Variants in DOCK1 observed in about 807,000 individuals in gnomAD.
DOCK1 encodes dedicator of cytokinesis protein 1.
Under a neutral mutation model 262.7 loss-of-function variants are expected in DOCK1, and 138 were observed. The observed-to-expected ratio is 0.53, with a 90% CI of 0.46 to 0.61. The LOEUF is 0.61. Among genes scored for constraint, DOCK1 ranks in the 20% least tolerant of loss-of-function variants. The probability of loss-of-function intolerance (pLI) is 0.00; values close to 1 mark genes in which losing one functional copy is unlikely to be tolerated. For synonymous variants in DOCK1, 866 were observed against 867.4 expected (o/e 1.00, Z 0.03); for missense variants, 1,908 against 2,370.7 (o/e 0.80, Z 4.05).
chr10:127,113,350 G>T (rs951973070), intron 25 of DOCK1, among the ~76,000 whole-genome samples: 7 of 152,162 alleles, frequency 4.6e-5, no homozygotes, highest in South Asian at 2.1e-4. Flanking sequence ...AGGCTCCTTC[G>T]TGGGGGCTCC....
chr10:126,975,797 T>C (rs1466214491), intron 2 of DOCK1, among the ~76,000 whole-genome samples: 19 of 151,576 alleles, frequency 1.3e-4, no homozygotes, highest in Non-Finnish European at 1.5e-5. Flanking sequence ...TTTTTTTTTT[T>C]AGTAGAGACG....
intron 29 of DOCK1, among the ~76,000 whole-genome samples, chr10:127,263,019 T>G (rs2060229749): frequency 6.6e-6 from 1 of 152,208 alleles, no homozygotes; most frequent in East Asian, 1.9e-4. Context: ...ACCCTGCCTC[T>G]TGGTCTTAAG....
intron 34 of DOCK1, 85 bp downstream of exon 34, chr10:127,373,951 C>A: frequency 5.2e-6 from 8 of 1,530,176 alleles, no homozygotes; most frequent in East Asian, 2.4e-5. Flanking sequence ...ACTTTGTAAC[C>A]CAGAAATAAT....
chr10:127,044,617 C>T (rs1261745117), intron 21 of DOCK1, among the ~76,000 whole-genome samples: 3 of 152,078 alleles, frequency 2.0e-5, no homozygotes, highest in African/African-American at 4.8e-5. Flanking sequence ...TCCACGTGTG[C>T]TCATTTTCAA....
Position 127,351,202 on chromosome 10 carries a change from G to A in DOCK1, c.3225-3467G>A, listed in dbSNP as rs116958213. 5.2e-3 allele frequency among the ~76,000 whole-genome samples: 797 copies of A among 152,274 alleles called. 8 individuals carry two copies. The highest frequency in any genetic ancestry group is 6.8e-3 in the Middle Eastern group (2 of 294). ...GGATCCCAGATCTCCCTGGACGATA[G>A]GAAGTGTGCCTCCTAAGCGTAGGTT... On this transcript the variant is annotated intron_variant, in intron 31 of 51. Transcript: ENST00000623213.
chr10:127,013,228 A>C (rs2041609206), intron 12 of DOCK1, among the ~76,000 whole-genome samples: 1 of 152,070 alleles, frequency 6.6e-6, no homozygotes, highest in South Asian at 2.1e-4. Flanking sequence ...TTTCTGGCAA[A>C]CAGTAGCAGG....
chr10:127,160,805 C>T (rs929258518), intron 27 of DOCK1, among the ~76,000 whole-genome samples: 2 of 152,168 alleles, frequency 1.3e-5, no homozygotes, highest in Non-Finnish European at 2.9e-5. Context: ...TAAGTTTGAT[C>T]TCTCTTGTTC....
At chr10:127,014,085 G>A (rs2041681591) in intron 12 of DOCK1, among the ~76,000 whole-genome samples, 1 of 152,232 alleles carries the variant, frequency 6.6e-6, no homozygotes, top group Non-Finnish European at 1.5e-5. Context: ...GTCCACATGC[G>A]CCTCCTGTCT....
At chr10:127,309,975 A>G (rs1403974434) in intron 29 of DOCK1, among the ~76,000 whole-genome samples, 1 of 151,566 alleles carries the variant, frequency 6.6e-6, no homozygotes, top group Non-Finnish European at 1.5e-5. Context: ...TCCCAGGTTC[A>G]AGCAATTCTT....
intron 29 of DOCK1, among the ~76,000 whole-genome samples, chr10:127,270,805 A>G (rs2060535288): frequency 6.6e-6 from 1 of 152,158 alleles, no homozygotes; most frequent in South Asian, 2.1e-4. Flanking sequence ...AGCCTCAGTC[A>G]TACTTTGTAA....
At chr10:127,371,027 C>G (rs915839854) in intron 33 of DOCK1, among the ~76,000 whole-genome samples, 2 of 152,230 alleles carry the variant, frequency 1.3e-5, no homozygotes, top group African/African-American at 2.4e-5. Flanking sequence ...AACCTTGTTG[C>G]AAATCACCAG....
intron 1 of DOCK1, among the ~76,000 whole-genome samples, chr10:126,953,526 C>G (rs2036500980): frequency 6.7e-6 from 1 of 149,060 alleles, no homozygotes; most frequent in East Asian, 2.0e-4. Flanking sequence ...GGTGGTAGTA[C>G]TGCTGATGGT....
chr10:126,966,265 T>C, intron 1 of DOCK1, among the ~76,000 whole-genome samples: 1 of 152,346 alleles, frequency 6.6e-6, no homozygotes, highest in South Asian at 2.1e-4. Flanking sequence ...CCTTCATTTG[T>C]TGTTGGACGC....
intron 48 of DOCK1, among the ~76,000 whole-genome samples, chr10:127,435,700 A>G (rs10830062): frequency 0.94 from 142,668 of 152,240 alleles, 66,884 homozygotes; most frequent in African/African-American, 0.96. Context: ...ATGTGAGCTC[A>G]GGCTGCTGGC....
chr10:126,925,266 A>G (rs548454926), intron 1 of DOCK1, among the ~76,000 whole-genome samples: 2 of 152,360 alleles, frequency 1.3e-5, no homozygotes, highest in Admixed American at 1.3e-4. Flanking sequence ...GCACACACAC[A>G]TATACATGTA....
chr10:127,152,590 G>A lies in DOCK1; in HGVS notation c.2847+24826G>A, dbSNP rs60011403. Among the ~76,000 whole-genome samples, 157 of 152,308 alleles carry A rather than the reference G, an allele frequency of 1.0e-3. 2 individuals carry two copies. The highest frequency in any genetic ancestry group is 3.6e-3 in the African/African-American group (150 of 41,572). Reference sequence around the variant, plus strand: ...CTCAACCTCAGCACTATTGACATTTGGGACTGGATAGCTCTTGGTTGTGGG... The same window carrying A: ...CTCAACCTCAGCACTATTGACATTTAGGACTGGATAGCTCTTGGTTGTGGG... On this transcript the variant is annotated intron_variant, in intron 27 of 51. Transcript: ENST00000623213.
intron 29 of DOCK1, among the ~76,000 whole-genome samples, chr10:127,259,330 TTC>T (rs1332958358): frequency 3.3e-5 from 5 of 152,260 alleles, no homozygotes; most frequent in Non-Finnish European, 7.3e-5. Context: ...TTTTCCCTTT[TTC>T]TCTGTTAGGA....
chr10:127,385,035 A>G, intron 38 of DOCK1, 126 bp downstream of exon 38: 2 of 1,225,596 alleles, frequency 1.6e-6, no homozygotes, highest in Non-Finnish European at 2.1e-6. Flanking sequence ...GTATATTGAA[A>G]TGTTTTATGC....
At chr10:126,997,802 T>G in intron 7 of DOCK1, 1 of 334,746 alleles carries the variant, frequency 3.0e-6, no homozygotes. Context: ...AACAAAAAAT[T>G]AAATAACTAC....
Sources: gnomAD v4.1 joint callset for allele counts (sites outside exome capture counted in the v4.1 genomes callset) on GRCh38, gnomAD v4.1.1 for gene constraint, MANE v1.5 for transcripts, NCBI Gene and HGNC (gene_info 2026-07-23, HGNC 2026-07-21) for gene names.